ETS1: variants seen among roughly 807,000 people sequenced by gnomAD.
ETS1 encodes ETS proto-oncogene 1, transcription factor.
ETS1 carries 15 observed loss-of-function variants against 58.6 expected under a neutral mutation model. That is an observed-to-expected ratio of 0.26 (90% confidence interval 0.17 to 0.39). The LOEUF is 0.39. ETS1 is among the 10% of genes least tolerant of loss of function. The pLI, the probability that ETS1 is intolerant of heterozygous loss-of-function variation, is 1.00. For missense variants in ETS1, 417 were observed against 610.5 expected, an observed-to-expected ratio of 0.68 and a Z score of 3.34; for synonymous variants, 214 against 218.2, an observed-to-expected ratio of 0.98 and a Z score of 0.17.
rs573847999 is a variant in ETS1, at chr11:128,570,797, C to T, written c.69+2265G>A. Among the ~76,000 whole-genome samples the T allele has an allele frequency of 2.1e-4, 32 of 152,298 alleles. No homozygotes were observed. The South Asian group carries it at 6.6e-3, about 32-fold the overall frequency. The stretch of plus-strand genomic sequence containing the variant: ...AGGAGGAGGAGCCCTTTTCTGGCAA[C>T]TTCTTCAGCCCTCGATATGATCTTA... On this transcript the variant is annotated intron_variant, in intron 2 of 9. Coordinates refer to ENST00000392668, the MANE Select transcript of ETS1 (RefSeq NM_001143820.2).
chr11:128,568,969 A>G (rs1864564695), intron 2 of ETS1, among the ~76,000 whole-genome samples: 1 of 152,224 alleles, frequency 6.6e-6, no homozygotes, highest in Non-Finnish European at 1.5e-5. Flanking sequence ...GCAATAATTT[A>G]CTAGTAACCA....
intron 3 of ETS1, chr11:128,521,833 G>C: frequency 8.8e-7 from 1 of 1,141,010 alleles, no homozygotes; most frequent in Non-Finnish European, 1.2e-6. Flanking sequence ...AGAAGGGAAC[G>C]GCGAAAGGGG....
intron 3 of ETS1, among the ~76,000 whole-genome samples, chr11:128,492,235 C>A (rs925622515): frequency 6.6e-6 from 1 of 152,124 alleles, no homozygotes; most frequent in Non-Finnish European, 1.5e-5. Flanking sequence ...AAAAATATTC[C>A]CCGGACACAA....
At chr11:128,480,479 G>C (rs369016708) in intron 7 of ETS1, 28 bp from the exon 8 acceptor site, 1 of 1,553,218 alleles carries the variant, frequency 6.4e-7, no homozygotes, top group African/African-American at 1.4e-5. Context: ...GGTAGGAAGA[G>C]GACAGGGGGA....
intron 3 of ETS1, among the ~76,000 whole-genome samples, chr11:128,494,736 T>C (rs1232349398): frequency 1.3e-5 from 2 of 152,196 alleles, no homozygotes; most frequent in African/African-American, 2.4e-5. Context: ...TGGCTTTTGT[T>C]TGGCAAGAAG....
chr11:128,508,202 A>G (rs1229548344), intron 3 of ETS1, among the ~76,000 whole-genome samples: 3 of 152,230 alleles, frequency 2.0e-5, no homozygotes, highest in Non-Finnish European at 2.9e-5. Flanking sequence ...CGCTGAAGTA[A>G]TAACAGCGAC....
intron 3 of ETS1, among the ~76,000 whole-genome samples, chr11:128,516,482 A>C (rs1015790508): frequency 6.6e-6 from 1 of 152,188 alleles, no homozygotes; most frequent in African/African-American, 2.4e-5. Flanking sequence ...GTTCATATAC[A>C]AATTCCTCTC....
At chr11:128,476,312 C>T (rs1194733113) in intron 8 of ETS1, among the ~76,000 whole-genome samples, 8 of 152,342 alleles carry the variant, frequency 5.3e-5, no homozygotes, top group Admixed American at 5.2e-4. Context: ...AACCCACATG[C>T]ATATAGTGTT....
At position 128,567,793 on chromosome 11, in the gene ETS1, C is replaced by T. The variant is rs538622014; in HGVS notation, c.69+5269G>A. Among the ~76,000 whole-genome samples, 10 of 152,194 alleles carry T rather than the reference C, an allele frequency of 6.6e-5. No homozygotes were observed. In the East Asian group the frequency reaches 1.4e-3, roughly 21 times the overall value. Reference sequence around the variant, plus strand: ...AATTACAGGCGTCCAATACCACACCCGGCTAATTTTTTGTATTTTTAGTAG... The same window carrying T: ...AATTACAGGCGTCCAATACCACACCTGGCTAATTTTTTGTATTTTTAGTAG... On this transcript the variant is annotated intron_variant, in intron 2 of 9. Coordinates refer to ENST00000392668, the MANE Select transcript of ETS1 (RefSeq NM_001143820.2).
intron 3 of ETS1, among the ~76,000 whole-genome samples, chr11:128,537,640 G>A (rs1863991328): frequency 6.6e-6 from 1 of 152,140 alleles, no homozygotes; most frequent in Non-Finnish European, 1.5e-5. Context: ...GCTGCAGCAG[G>A]AAAACACTGG....
At chr11:128,521,555 C>T (rs1371954653) in intron 3 of ETS1, among the ~76,000 whole-genome samples, 1 of 152,128 alleles carries the variant, frequency 6.6e-6, no homozygotes, top group East Asian at 1.9e-4. Context: ...TCTGAGGCAG[C>T]GTCCATCTCC....
chr11:128,559,813 A>AT (rs1161060636), intron 2 of ETS1, among the ~76,000 whole-genome samples: 2 of 152,246 alleles, frequency 1.3e-5, no homozygotes, highest in Non-Finnish European at 2.9e-5. Context: ...GGAGAAAAAA[A>AT]GCAGGTTATT....
intron 8 of ETS1, among the ~76,000 whole-genome samples, chr11:128,477,494 A>G (rs538664678): frequency 3.3e-5 from 5 of 152,268 alleles, no homozygotes; most frequent in African/African-American, 1.2e-4. Context: ...GGCACATTTC[A>G]TCCGCTTCCC....
intron 2 of ETS1, among the ~76,000 whole-genome samples, chr11:128,563,867 A>G (rs568162776): frequency 7.9e-5 from 12 of 152,284 alleles, no homozygotes; most frequent in African/African-American, 2.6e-4. Context: ...CAGGTGCTCA[A>G]TTAAAGTGTG....
chr11:128,485,364 C>A (rs1338476084), intron 6 of ETS1, among the ~76,000 whole-genome samples: 1 of 152,150 alleles, frequency 6.6e-6, no homozygotes, highest in Non-Finnish European at 1.5e-5. Context: ...AAATGCCCAC[C>A]AACATTCCCC....
chr11:128,510,383 C>T (rs566428699), intron 3 of ETS1, among the ~76,000 whole-genome samples: 4 of 152,148 alleles, frequency 2.6e-5, no homozygotes, highest in Non-Finnish European at 4.4e-5. Flanking sequence ...AAGGTAAAGC[C>T]AGACTTGGGT....
chr11:128,475,095 C>T (rs919921288), intron 8 of ETS1, among the ~76,000 whole-genome samples: 8 of 152,384 alleles, frequency 5.2e-5, no homozygotes, highest in South Asian at 4.1e-4. Flanking sequence ...AAAGGCTCTA[C>T]GCTGTTCCTA....
chr11:128,568,096 C>T (rs894111101), intron 2 of ETS1, among the ~76,000 whole-genome samples: 2 of 152,192 alleles, frequency 1.3e-5, no homozygotes, highest in African/African-American at 4.8e-5. Flanking sequence ...GCCACTCCTG[C>T]CCGAGCATGT....
At chr11:128,515,272 A>ACG (rs60498516) in intron 3 of ETS1, among the ~76,000 whole-genome samples, 3 of 150,810 alleles carry the variant, frequency 2.0e-5, no homozygotes, top group South Asian at 2.1e-4. Context: ...ACACACACAC[A>ACG]CGCGCGCGTG....
Sources: gnomAD v4.1 joint callset for allele counts (sites outside exome capture counted in the v4.1 genomes callset) on GRCh38, gnomAD v4.1.1 for gene constraint, MANE v1.5 for transcripts, NCBI Gene and HGNC (gene_info 2026-07-23, HGNC 2026-07-21) for gene names.